Variants in RHOBTB1 observed in about 807,000 individuals in gnomAD.
The protein encoded by RHOBTB1 is rho-related BTB domain-containing protein 1.
In RHOBTB1, 40 loss-of-function variants were observed where a neutral mutation model predicts 71.6. That is an observed-to-expected ratio of 0.56 (90% CI 0.43 to 0.73). The LOEUF (loss-of-function observed/expected upper bound fraction) is 0.73, where lower values mean the gene tolerates loss of function less well. Among genes scored for constraint, RHOBTB1 ranks in the 30% least tolerant of loss-of-function variants. RHOBTB1 has a pLI of 0.00. For missense variants in RHOBTB1, 797 were observed against 894.0 expected, an observed-to-expected ratio of 0.89 and a Z score of 1.38; for synonymous variants, 319 against 334.9, an observed-to-expected ratio of 0.95 and a Z score of 0.52.
chr10:60,947,266 A>G (rs2085269492), upstream of RHOBTB1, among the ~76,000 whole-genome samples: 2 of 152,228 alleles, frequency 1.3e-5, no homozygotes, highest in Admixed American at 1.3e-4. Flanking sequence ...TTAAGTAAAC[A>G]TAAAAAATGG....
At chr10:60,988,913 T>C (rs1490895773) in intron 1 of RHOBTB1, among the ~76,000 whole-genome samples, 1 of 152,228 alleles carries the variant, frequency 6.6e-6, no homozygotes, top group Non-Finnish European at 1.5e-5. Flanking sequence ...ACTCTGGCTT[T>C]ATTCTAGATA....
At chr10:60,920,887 G>T (rs2083520433) in intron 2 of RHOBTB1, among the ~76,000 whole-genome samples, 1 of 151,532 alleles carries the variant, frequency 6.6e-6, no homozygotes, top group South Asian at 2.1e-4. Flanking sequence ...GAACTCCTGA[G>T]CTCAAGCGAT....
At chr10:60,920,955 G>T (rs138935169) in intron 2 of RHOBTB1, among the ~76,000 whole-genome samples, 2,729 of 139,836 alleles carry the variant, frequency 0.02, 46 homozygotes, top group Non-Finnish European at 0.03. Context: ...TTTTTTTTTT[G>T]TTTTTTTTTT....
At chr10:60,909,066 T>A (rs2082832456) in intron 4 of RHOBTB1, among the ~76,000 whole-genome samples, 1 of 152,208 alleles carries the variant, frequency 6.6e-6, no homozygotes, top group South Asian at 2.1e-4. Flanking sequence ...AAAGAGCAGC[T>A]TATTTTTGTT....
intron 1 of RHOBTB1, among the ~76,000 whole-genome samples, chr10:60,987,444 A>G (rs2086703916): frequency 6.6e-6 from 1 of 152,132 alleles, no homozygotes; most frequent in South Asian, 2.1e-4. Context: ...CATCATCTTC[A>G]TTCTCTTACT....
intron 7 of RHOBTB1, among the ~76,000 whole-genome samples, chr10:60,884,820 A>G (rs1033274947): frequency 1.3e-5 from 2 of 152,228 alleles, no homozygotes; most frequent in Non-Finnish European, 2.9e-5. Flanking sequence ...AGTGATTACC[A>G]GAGGCTGGGA....
At chr10:60,921,973 A>T (rs2083590415) in intron 2 of RHOBTB1, among the ~76,000 whole-genome samples, 1 of 152,186 alleles carries the variant, frequency 6.6e-6, no homozygotes, top group Admixed American at 6.5e-5. Flanking sequence ...GGTGGTGGGG[A>T]GGAGAGCCCC....
At chr10:60,863,960 C>A in the RHOBTB1 span, among the ~76,000 whole-genome samples, 4 of 152,212 alleles carry the variant, frequency 2.6e-5, no homozygotes, top group African/African-American at 9.6e-5. Flanking sequence ...GCTTTCCCTG[C>A]CTCCGGCCTG....
chr10:60,880,177 C>CTCTGTGTGTGTGTGTGTGTGTGTGTGTG (rs370670323), intron 7 of RHOBTB1, among the ~76,000 whole-genome samples: 3 of 100,558 alleles, frequency 3.0e-5, no homozygotes, highest in Admixed American at 9.8e-5. Flanking sequence ...TGAGGGATGA[C>CTCTGTGTGTGTGTGTGTGTGTGTGTGTG]TGTGTGTGTG....
At chr10:60,906,294 C>T (rs1324037298) in intron 4 of RHOBTB1, among the ~76,000 whole-genome samples, 1 of 152,180 alleles carries the variant, frequency 6.6e-6, no homozygotes. Context: ...TCATGCTCCG[C>T]TACTTAATGG....
intron 2 of RHOBTB1, among the ~76,000 whole-genome samples, chr10:60,971,215 G>C (rs2086144328): frequency 6.6e-6 from 1 of 151,638 alleles, no homozygotes; most frequent in South Asian, 2.1e-4. Context: ...CAAAATAGCT[G>C]AAAAAGAGCC....
At chr10:60,940,697 T>C (rs1251527429) in intron 2 of RHOBTB1, among the ~76,000 whole-genome samples, 1 of 152,200 alleles carries the variant, frequency 6.6e-6, no homozygotes, top group Non-Finnish European at 1.5e-5. Context: ...CCCTGTTGGG[T>C]TGAAATTCTA....
chr10:60,865,393 T>A (rs2080632068), downstream of RHOBTB1, among the ~76,000 whole-genome samples: 1 of 152,238 alleles, frequency 6.6e-6, no homozygotes, highest in African/African-American at 2.4e-5. Context: ...TAGTGTGTAA[T>A]GTGATGCTTT....
chr10:60,997,576 T>C (rs2087101315), intron 1 of RHOBTB1, among the ~76,000 whole-genome samples: 1 of 152,198 alleles, frequency 6.6e-6, no homozygotes, highest in Admixed American at 6.5e-5. Flanking sequence ...CAATCATCTT[T>C]TAAATGTATC....
chr10:60,929,846 T>C (rs1056430536), intron 2 of RHOBTB1, among the ~76,000 whole-genome samples: 1 of 152,156 alleles, frequency 6.6e-6, no homozygotes, highest in African/African-American at 2.4e-5. Context: ...AGGATCTGAA[T>C]AACAAATACT....
chr10:60,866,285 G>A (rs1219212316), downstream of RHOBTB1, among the ~76,000 whole-genome samples: 1 of 152,218 alleles, frequency 6.6e-6, no homozygotes, highest in Non-Finnish European at 1.5e-5. Flanking sequence ...GCCCTGGAGA[G>A]CCATGGACTA....
At position 60,995,427 on chromosome 10, in the gene RHOBTB1, G is replaced by A. The variant is rs548625611; in HGVS notation, c.-163+5972C>T. 6.6e-5 allele frequency among the ~76,000 whole-genome samples: 10 copies of A among 152,176 alleles called. No individual in the cohort carries two copies. In the South Asian group the frequency reaches 1.5e-3, roughly 22 times the overall value. On this transcript the variant is annotated intron_variant, in intron 1 of 11. Transcript: ENST00000357917. The stretch of plus-strand genomic sequence containing the variant: ...CAAGATATCATTTCCAAAATTAGTG[G>A]TCAGCCTTATTACCTACTCAAGGGA...
chr10:60,867,579 G>T (rs1037709510), downstream of RHOBTB1, among the ~76,000 whole-genome samples: 1 of 152,186 alleles, frequency 6.6e-6, no homozygotes, highest in South Asian at 2.1e-4. Flanking sequence ...CTGCATGATC[G>T]CTTGGTTTCC....
chr10:60,928,579 C>A (rs998254640), intron 2 of RHOBTB1, among the ~76,000 whole-genome samples: 1 of 151,570 alleles, frequency 6.6e-6, no homozygotes, highest in Non-Finnish European at 1.5e-5. Flanking sequence ...AATTTGAGCT[C>A]ATGGAAGTAG....
Sources: allele counts gnomAD v4.1 joint callset (sites outside exome capture counted in the v4.1 genomes callset), GRCh38; gene constraint gnomAD v4.1.1; transcripts MANE v1.5; gene names NCBI Gene and HGNC (gene_info 2026-07-23, HGNC 2026-07-21).